PLA2R1: variants seen among roughly 807,000 people sequenced by gnomAD.
PLA2R1 encodes the protein phospholipase A2 receptor 1, also known as secretory phospholipase A2 receptor.
In PLA2R1, 158 loss-of-function variants were observed where a neutral mutation model predicts 195.9. The ratio of observed to expected loss-of-function variants is 0.81; its 90% CI spans 0.71 to 0.92. The LOEUF is 0.92. PLA2R1 is among the 40% of genes least tolerant of loss of function. The pLI, the probability that PLA2R1 is intolerant of heterozygous loss-of-function variation, is 0.00. For synonymous variants in PLA2R1, 586 were observed against 598.2 expected, an observed-to-expected ratio of 0.98 and a Z score of 0.30; for missense variants, 1,626 against 1,764.6, an observed-to-expected ratio of 0.92 and a Z score of 1.41.
chr2:159,979,741 A>T, intron 14 of PLA2R1, 89 bp downstream of exon 14: 4 of 676,204 alleles, frequency 5.9e-6, no homozygotes, highest in Non-Finnish European at 1.1e-5. Context: ...TCTGGCCATC[A>T]TTTCTAGGTT....
intron 10 of PLA2R1, among the ~76,000 whole-genome samples, chr2:160,010,832 C>T (rs1169111014): frequency 6.6e-6 from 1 of 152,150 alleles, no homozygotes; most frequent in Admixed American, 6.5e-5. Context: ...ACTCATGAGT[C>T]CTGTGTTGGA....
At position 159,969,306 on chromosome 2, in the gene PLA2R1, C is replaced by A; in HGVS notation, c.2714G>T (p.Arg905Ile). Residue 905 changes from arginine (R) to isoleucine (I), a missense_variant, in exon 19 of 30, where the codon AGA becomes ATA. By Grantham distance (97) the Arg-to-Ile change is moderately conservative. Coordinates refer to ENST00000283243, the MANE Select transcript of PLA2R1 (RefSeq NM_007366.5). Reference protein sequence around the residue: ...IYQNWDTGRERTVNNQSQRCG... With the variant: ...IYQNWDTGREITVNNQSQRCG... ...TCTCTGGCTCTGATTATTCACAGTT[C>A]TTTCTCTTCCTGTGTCCCAGTTCTG... 1 of 1,609,336 alleles carries A rather than the reference C, an allele frequency of 6.2e-7. No homozygotes were observed.
chr2:160,039,425 T>C (rs1053043525), intron 3 of PLA2R1, among the ~76,000 whole-genome samples: 2 of 152,178 alleles, frequency 1.3e-5, no homozygotes, highest in East Asian at 1.9e-4. Flanking sequence ...CTAGTATATT[T>C]GTATATGTGT....
chr2:160,022,784 A>G lies in PLA2R1; in HGVS notation c.1175T>C (p.Leu392Pro), dbSNP rs1454742370. ...ATGCCAGGTCTTTTCTTCTTTCTGA[A>G]GTTTGTAGCAATTACGATTGTAGGG... ...WNPYNRNCYK[L>P]QKEEKTWHEA... is the part of the protein sequence containing the mutation. Residue 392 changes from leucine (L) to proline (P), a missense_variant, in exon 7 of 30, where the codon CTT (leucine) becomes CCT (proline). Coordinates refer to ENST00000283243, the MANE Select transcript of PLA2R1 (RefSeq NM_007366.5). 6.2e-7 allele frequency: 1 copy of G among 1,613,652 alleles called. No homozygotes were observed. Among genetic ancestry groups the G allele is most frequent in the South Asian group, 1.1e-5 (1 of 91,064 alleles).
Position 159,941,878 on chromosome 2 carries a change from A to G in PLA2R1, c.4292T>C (p.Leu1431Pro). The change falls in exon 30 of 30, where the codon CTT becomes CCT. Residue 1431 changes from leucine to proline, a missense_variant. Transcript: ENST00000283243. ...YKHNGGFFRRLAGFRNPYYPA... is the reference protein window; with the variant it reads ...YKHNGGFFRRPAGFRNPYYPA... Reference sequence around the variant, plus strand: ...ATAGTAAGGATTCCGAAACCCTGCAAGTCTCCTGAAGAAGCCACCGTTATG... The same window carrying G: ...ATAGTAAGGATTCCGAAACCCTGCAGGTCTCCTGAAGAAGCCACCGTTATG... 6.2e-7 allele frequency: 1 copy of G among 1,613,412 alleles called. No individual in the cohort carries two copies. The highest frequency in any genetic ancestry group is 8.5e-7 in the Non-Finnish European group (1 of 1,179,368).
At chr2:159,993,442 A>G (rs187679590) in intron 11 of PLA2R1, among the ~76,000 whole-genome samples, 1 of 117,076 alleles carries the variant, frequency 8.5e-6, no homozygotes, top group African/African-American at 3.1e-5. Context: ...GAACTCAAAA[A>G]GTGTTTAATT....
Position 159,944,995 on chromosome 2 carries a change from T to C in PLA2R1, c.4055A>G (p.His1352Arg). The C allele has an allele frequency of 6.2e-7, 1 of 1,613,762 alleles. No individual in the cohort carries two copies. The highest frequency in any genetic ancestry group is 2.2e-5 in the East Asian group (1 of 44,864). Residue 1352 changes from histidine (H) to arginine (R), a missense_variant, in exon 28 of 30, where the codon CAT (histidine) becomes CGT (arginine). Physicochemically the swap from His to Arg is conservative, Grantham distance 29. Coordinates refer to ENST00000283243, the MANE Select transcript of PLA2R1 (RefSeq NM_007366.5). ...RKPDTDYFKP[H>R]HCVALRIPEG... ...AGGGATCCTCAAGGCAACACAATGA[T>C]GGGGCTTGAAGTAGTCTGTGTCTGG...
chr2:160,026,236 A>G (rs891552099), intron 6 of PLA2R1, among the ~76,000 whole-genome samples: 4 of 152,240 alleles, frequency 2.6e-5, no homozygotes, highest in Non-Finnish European at 5.9e-5. Flanking sequence ...CAATGAAAGC[A>G]GAGTGTTGGG....
At chr2:160,039,377 T>A (rs1053866031) in intron 3 of PLA2R1, among the ~76,000 whole-genome samples, 12 of 152,172 alleles carry the variant, frequency 7.9e-5, no homozygotes, top group African/African-American at 2.7e-4. Flanking sequence ...CTGTGTGTCA[T>A]CCTTTTTGCT....
chr2:160,038,157 G>C (rs946383093), intron 3 of PLA2R1, among the ~76,000 whole-genome samples: 1 of 152,198 alleles, frequency 6.6e-6, no homozygotes, highest in Non-Finnish European at 1.5e-5. Context: ...TCTATTTAGA[G>C]GATGAGAGAG....
chr2:159,984,002 T>C lies in PLA2R1; in HGVS notation c.2109A>G (p.Gly703=). The change falls in exon 13 of 30, where the codon GGA becomes GGG. Residue 703 remains glycine (G), a synonymous_variant. Transcript: ENST00000283243. ...TATGGGCAAAGCTTGCAAGATGAGC[T>C]CCAAATTCTTCGCAAAATGCTTCAG... is the stretch of plus-strand genomic sequence containing the variant. The part of the protein sequence containing the change: ...REAEAFCEEF[G]AHLASFAHIE... 6.2e-7 allele frequency: 1 copy of C among 1,600,062 alleles called. No homozygotes were observed. The highest frequency in any genetic ancestry group is 8.6e-7 in the Non-Finnish European group (1 of 1,167,718).
At chr2:159,956,998 TG>T (rs1420571054) in intron 20 of PLA2R1, among the ~76,000 whole-genome samples, 11 of 151,470 alleles carry the variant, frequency 7.3e-5, no homozygotes, top group Non-Finnish European at 1.6e-4. Context: ...AAAAACATTC[TG>T]GGGGTGGCAA....
At chr2:160,011,676 C>T (rs547467752) in intron 10 of PLA2R1, among the ~76,000 whole-genome samples, 1 of 152,286 alleles carries the variant, frequency 6.6e-6, no homozygotes, top group East Asian at 1.9e-4. Context: ...GAGCGTATAG[C>T]TTCATTGGTC....
chr2:160,022,793 C>A lies in PLA2R1; in HGVS notation c.1166G>T (p.Cys389Phe). The change falls in exon 7 of 30, where the codon TGC (cysteine) becomes TTC (phenylalanine). Residue 389 changes from cysteine to phenylalanine, a missense_variant. Physicochemically the swap from Cys to Phe is radical, Grantham distance 205 (BLOSUM62 -2). Coordinates refer to ENST00000283243, the MANE Select transcript of PLA2R1 (RefSeq NM_007366.5). Reference protein sequence around the residue: ...EPGWNPYNRNCYKLQKEEKTW... With the variant: ...EPGWNPYNRNFYKLQKEEKTW... ...CTTTTCTTCTTTCTGAAGTTTGTAG[C>A]AATTACGATTGTAGGGATTCCAGCC... 6.2e-7 allele frequency: 1 copy of A among 1,613,652 alleles called. No homozygotes were observed. Among genetic ancestry groups the A allele is most frequent in the Non-Finnish European group, 8.5e-7 (1 of 1,179,598 alleles).
chr2:160,041,437 T>C (rs894280890), intron 3 of PLA2R1, among the ~76,000 whole-genome samples: 8 of 152,178 alleles, frequency 5.3e-5, no homozygotes, highest in African/African-American at 1.9e-4. Flanking sequence ...GCCACTGCCA[T>C]TGAACTTTGA....
At position 160,028,909 on chromosome 2, in the gene PLA2R1, T is replaced by C; in HGVS notation, c.896A>G (p.Glu299Gly). 1 of 1,612,538 alleles carries C rather than the reference T, an allele frequency of 6.2e-7. No individual in the cohort carries two copies. Among genetic ancestry groups the C allele is most frequent in the South Asian group, 1.1e-5 (1 of 91,066 alleles). The change falls in exon 5 of 30, where the codon GAA becomes GGA. Residue 299 changes from glutamate to glycine, a missense_variant. By Grantham distance (98) the Glu-to-Gly change is moderately conservative. Transcript: ENST00000283243. ...ATCAGACCACTGCCAGCCAGCGTGT[T>C]CATCCAGCTGATTGAGGCCCATCCA... is the stretch of plus-strand genomic sequence containing the variant. ...EVWMGLNQLD[E>G]HAGWQWSDGT...
intron 17 of PLA2R1, among the ~76,000 whole-genome samples, chr2:159,971,718 G>A (rs546042722): frequency 4.6e-5 from 7 of 152,064 alleles, no homozygotes; most frequent in South Asian, 2.1e-4. Flanking sequence ...TTGTACTCTC[G>A]TTTCTTCTGT....
chr2:159,962,092 C>G (rs144615035), intron 20 of PLA2R1, among the ~76,000 whole-genome samples: 27,654 of 151,940 alleles, frequency 0.18, 2,785 homozygotes, highest in South Asian at 0.42. Flanking sequence ...TCAGAATAAA[C>G]AGGCAACCTA....
intron 16 of PLA2R1, among the ~76,000 whole-genome samples, 160 bp from the exon 17 acceptor site, chr2:159,976,385 T>C (rs990781607): frequency 6.6e-6 from 1 of 152,096 alleles, no homozygotes; most frequent in African/African-American, 2.4e-5. Context: ...TAAATAGATA[T>C]ATAACTTGCT....
Sources: allele counts gnomAD v4.1 joint callset (sites outside exome capture counted in the v4.1 genomes callset), GRCh38; gene constraint gnomAD v4.1.1; transcripts MANE v1.5; gene names NCBI Gene and HGNC (gene_info 2026-07-23, HGNC 2026-07-21).